SLCO5A1: variants seen among roughly 807,000 people sequenced by gnomAD.
The protein encoded by SLCO5A1 is organic anion transporter polypeptide-related protein 4.
A neutral mutation model predicts 65.1 loss-of-function variants in SLCO5A1; 39 were observed. That is an observed-to-expected ratio of 0.60 (90% CI 0.46 to 0.78). The LOEUF (loss-of-function observed/expected upper bound fraction) is 0.78. Among genes scored for constraint, SLCO5A1 ranks in the 30% least tolerant of loss-of-function variants. The pLI, the probability that SLCO5A1 is intolerant of heterozygous loss-of-function variation, is 0.00. For synonymous variants in SLCO5A1, 438 were observed against 415.7 expected, an observed-to-expected ratio of 1.05 and a Z score of -0.65; for missense variants, 1,029 against 1,069.4, an observed-to-expected ratio of 0.96 and a Z score of 0.53.
intron 5 of SLCO5A1, among the ~76,000 whole-genome samples, chr8:69,728,717 C>T (rs995141934): frequency 6.6e-6 from 1 of 151,960 alleles, no homozygotes; most frequent in African/African-American, 2.4e-5. Context: ...CACACACACA[C>T]TTGAATAAAA....
At chr8:69,727,054 T>G (rs181822716) in intron 5 of SLCO5A1, among the ~76,000 whole-genome samples, 255 of 152,232 alleles carry the variant, frequency 1.7e-3, no homozygotes, top group Middle Eastern at 3.4e-3. Flanking sequence ...TTGCTACCCA[T>G]AGAGGTTAAT....
intron 9 of SLCO5A1, among the ~76,000 whole-genome samples, chr8:69,675,183 T>C (rs1045665683): frequency 2.6e-5 from 4 of 151,898 alleles, no homozygotes; most frequent in Non-Finnish European, 5.9e-5. Context: ...CTGACTTTTT[T>C]TTTTTTTTCA....
chr8:69,815,858 A>G (rs956800594), intron 2 of SLCO5A1, among the ~76,000 whole-genome samples: 2 of 152,176 alleles, frequency 1.3e-5, no homozygotes, highest in East Asian at 3.9e-4. Context: ...ACTGGAGCAC[A>G]CCATAGTAAC....
chr8:69,782,066 C>A (rs529562835), intron 2 of SLCO5A1, among the ~76,000 whole-genome samples: 1 of 151,954 alleles, frequency 6.6e-6, no homozygotes, highest in Non-Finnish European at 1.5e-5. Flanking sequence ...GGCCTGTCAG[C>A]GGGTGTGGGG....
chr8:69,818,604 G>T (rs1820502645), intron 2 of SLCO5A1, among the ~76,000 whole-genome samples: 1 of 152,104 alleles, frequency 6.6e-6, no homozygotes, highest in South Asian at 2.1e-4. Flanking sequence ...GTTATTTGTG[G>T]GTGGGCTGAA....
rs73686121 is a variant in SLCO5A1 at position 69,682,386 on chromosome 8, A to G, written c.1623-43T>C. 4.7e-3 allele frequency: 6,874 copies of G among 1,454,424 alleles called. 271 individuals carry two copies. The African/African-American group carries it at 0.087, about 18-fold the overall frequency. 90.1% of individuals were successfully genotyped at this position (1,454,424 alleles called of 1,614,324 possible). ...CAGATCATGAGCAACACTTACCAAAATAAAACTCATAGGAAAGGTCTTGAA... is the reference window on the plus strand; with the variant it reads ...CAGATCATGAGCAACACTTACCAAAGTAAAACTCATAGGAAAGGTCTTGAA... On this transcript the variant is annotated intron_variant, in intron 6 of 9. Transcript: ENST00000260126.
In SLCO5A1 at chr8:69,832,498, G is replaced by T. The variant is rs774962022; in HGVS notation, c.176C>A (p.Pro59Gln). 6.2e-7 allele frequency: 1 copy of T among 1,610,158 alleles called. No individual in the cohort carries two copies. The highest frequency in any genetic ancestry group is 1.3e-5 in the African/African-American group (1 of 74,808). ...CGAAGAATCCACACAGCCAAAGGCC[G>T]GGTTGGCGTCTCCACTAGTGGGACT... The part of the protein sequence containing the change: ...SLSPTSGDAN[P>Q]AFGCVDSSGH... Residue 59 changes from proline to glutamine, a missense_variant, in exon 2 of 10, where the codon CCG (proline) becomes CAG (glutamine). Coordinates refer to ENST00000260126, the MANE Select transcript of SLCO5A1 (RefSeq NM_030958.3). The surrounding 1 kb of genome is among the most constrained non-coding windows in gnomAD (Gnocchi z 4.5).
At chr8:69,788,601 T>C (rs1819136438) in intron 2 of SLCO5A1, among the ~76,000 whole-genome samples, 1 of 152,060 alleles carries the variant, frequency 6.6e-6, no homozygotes, top group Non-Finnish European at 1.5e-5. Flanking sequence ...TATATGAGGC[T>C]AGAGTGATAT....
Position 69,670,543 on chromosome 8 carries a change from T to C in SLCO5A1, c.*2326A>G, listed in dbSNP as rs927675633. ...ACTTGAGGAAGTACAATATTAACAC[T>C]GTGGTGCACATTTCAGGCCCATTTC... On this transcript the variant is annotated 3_prime_UTR_variant, in exon 10 of 10. Transcript: ENST00000260126. 2 of 152,204 alleles carry C rather than the reference T, an allele frequency of 1.3e-5. No individual in the cohort carries two copies. 9.4% of individuals were successfully genotyped at this position (152,204 alleles called of 1,614,324 possible). A position where few individuals can be genotyped will look rare whatever the true frequency, so the allele number is the denominator to read the frequency against.
At chr8:69,761,927 TAGG>T (rs1053552162) in intron 2 of SLCO5A1, 52 bp from the exon 3 acceptor site, 2 of 1,595,980 alleles carry the variant, frequency 1.3e-6, no homozygotes, top group African/African-American at 1.3e-5. Flanking sequence ...TATTACATGT[TAGG>T]AGTTCTCTCA....
intron 2 of SLCO5A1, among the ~76,000 whole-genome samples, chr8:69,768,807 G>C (rs1818189337): frequency 6.6e-6 from 1 of 152,072 alleles, no homozygotes; most frequent in African/African-American, 2.4e-5. Flanking sequence ...TGAATCCTTG[G>C]GGGACACAAT....
Position 69,755,630 on chromosome 8 carries a change from A to C in SLCO5A1, c.1052T>G (p.Phe351Cys). The C allele has an allele frequency of 6.2e-7, 1 of 1,611,086 alleles. No homozygotes were observed. Among genetic ancestry groups the C allele is most frequent in the Non-Finnish European group, 8.5e-7 (1 of 1,178,684 alleles). Residue 351 changes from phenylalanine to cysteine, a missense_variant, in exon 4 of 10, where the codon TTC (phenylalanine) becomes TGC (cysteine). This residue lies in a region of SLCO5A1 where 647 missense variants were observed against 647.5 expected (regional missense o/e 1.00). Transcript: ENST00000260126. The part of the protein sequence containing the change: ...PRFIGNWWSG[F>C]LLCAIAMFLV... ...AAACATTGCAATGGCACAAAGGAGG[A>C]ATCCACTCCACCTAAAAAATTGGAA... is the stretch of plus-strand genomic sequence containing the variant.
At chr8:69,704,940 AGG>A (rs1814901696) in intron 6 of SLCO5A1, 89 bp downstream of exon 6, 28 of 1,160,290 alleles carry the variant, frequency 2.4e-5, no homozygotes, top group Non-Finnish European at 3.3e-5. Context: ...GCTTGGAGGG[AGG>A]GGTATGAGGC....
chr8:69,795,422 C>A (rs1339272577), intron 2 of SLCO5A1, among the ~76,000 whole-genome samples: 1 of 152,210 alleles, frequency 6.6e-6, no homozygotes, highest in Non-Finnish European at 1.5e-5. Flanking sequence ...AGACCCCTTA[C>A]AAGTCCAACA....
At chr8:69,751,367 CT>C (rs540459957) in intron 4 of SLCO5A1, among the ~76,000 whole-genome samples, 3 of 152,066 alleles carry the variant, frequency 2.0e-5, no homozygotes, top group African/African-American at 2.4e-5. Context: ...CTACTTTCCC[CT>C]TTGCGGTGTC....
chr8:69,833,947 A>G (rs1461921409), intron 1 of SLCO5A1: 1 of 152,320 alleles, frequency 6.6e-6, no homozygotes, highest in African/African-American at 2.4e-5. Flanking sequence ...CAACCAAACA[A>G]AGAGATCCCG....
chr8:69,834,530 G>C (rs1322394001), intron 1 of SLCO5A1, among the ~76,000 whole-genome samples: 1 of 152,032 alleles, frequency 6.6e-6, no homozygotes. Context: ...CCTTCCCGGG[G>C]AACCCCACCA....
chr8:69,678,685 T>G (rs1177289746), intron 8 of SLCO5A1, among the ~76,000 whole-genome samples: 2 of 152,096 alleles, frequency 1.3e-5, no homozygotes, highest in South Asian at 4.1e-4. Context: ...GACCATCATT[T>G]TGGTCCAGGA....
At chr8:69,693,274 C>A (rs952452572) in intron 6 of SLCO5A1, among the ~76,000 whole-genome samples, 2 of 152,118 alleles carry the variant, frequency 1.3e-5, no homozygotes, top group African/African-American at 4.8e-5. Context: ...CTAAGAAAAC[C>A]ACTAATAACA....
Sources: gnomAD v4.1 joint callset for allele counts (sites outside exome capture counted in the v4.1 genomes callset) on GRCh38, gnomAD v4.1.1 for gene constraint, gnomAD v4.1.1 regional missense constraint, Gnocchi (gnomAD v3.1) non-coding constraint, MANE v1.5 for transcripts, NCBI Gene and HGNC (gene_info 2026-07-23, HGNC 2026-07-21) for gene names.